ENO1: variants seen among roughly 807,000 people sequenced by gnomAD.
The protein encoded by ENO1 is alpha-enolase.
In ENO1, 33 loss-of-function variants were observed where a neutral mutation model predicts 46.3. That is an observed-to-expected ratio of 0.71 (90% CI 0.54 to 0.95). The LOEUF is 0.95. Ranked by LOEUF, ENO1 falls within the 40% of genes least tolerant of loss-of-function variation. The pLI, the probability that ENO1 is intolerant of heterozygous loss-of-function variation, is 0.00. For synonymous variants in ENO1, 220 were observed against 216.0 expected (o/e 1.02, Z -0.16); for missense variants, 488 against 553.3 (o/e 0.88, Z 1.18).
rs2071412 is a variant in ENO1, at chr1:8,868,066, G to T, written c.241-9C>A. 456,734 of 1,609,402 alleles carry T rather than the reference G, an allele frequency of 0.28. 73,401 individuals are homozygous for T. The highest frequency in any genetic ancestry group is 0.76 in the East Asian group (34,140 of 44,810). On this transcript the variant is annotated splice_polypyrimidine_tract_variant and intron_variant, in intron 4 of 11. Coordinates refer to ENST00000234590, the MANE Select transcript of ENO1 (RefSeq NM_001428.5). Reference sequence around the variant, plus strand: ...TCTGTGACGTTCAGTTTCTACGAGGGAGAGGGGAGAATGAGGGGTTGGGGC... The same window carrying T: ...TCTGTGACGTTCAGTTTCTACGAGGTAGAGGGGAGAATGAGGGGTTGGGGC...
rs1557590400 is a variant in ENO1, at chr1:8,878,652, GCGAGATCTC to G, written c.-91_-83del. The G allele has an allele frequency of 4.4e-6, 2 of 456,110 alleles. No individual in the cohort carries two copies. Among genetic ancestry groups the G allele is most frequent in the South Asian group, 3.1e-5 (2 of 64,566 alleles). 28.3% of individuals were successfully genotyped at this position (456,110 alleles called of 1,614,324 possible). ...AGACACCGAGGTGAACGTAAAGCCG[GCGAGATCTC>G]CGTGCTCCGGGTACCCACAGATACT... On this transcript the variant is annotated 5_prime_UTR_variant, in exon 1 of 12. Transcript: ENST00000234590.
rs1642561273 is a variant in ENO1 at position 8,868,091 on chromosome 1, C to A, written c.241-34G>T. ...GAGAGGGGAGAATGAGGGGTTGGGG[C>A]CACTCTTATCTGCATAGCCTTTGCT... On this transcript the variant is annotated intron_variant, in intron 4 of 11. Transcript: ENST00000234590. The A allele has an allele frequency of 4.7e-6, 7 of 1,486,472 alleles. No individual in the cohort carries two copies. The East Asian group carries it at 1.1e-4, about 24-fold the overall frequency. 92.1% of individuals were successfully genotyped at this position (1,486,472 alleles called of 1,614,324 possible).
rs11544495 is a variant in ENO1, at chr1:8,874,865, C to T, written c.44G>A (p.Arg15His). Residue 15 changes from arginine (R) to histidine (H), a missense_variant, in exon 2 of 12, where the codon CGC (arginine) becomes CAC (histidine). Arg to His is a conservative substitution (Grantham distance 29). Transcript: ENST00000234590. ...KIHAREIFDS[R>H]GNPTVEVDLF... ...ATCAACCTCAACAGTGGGATTCCCG[C>T]GAGAGTCAAAGATCTCCCTGGCATG... is the stretch of plus-strand genomic sequence containing the variant. 1.1e-5 allele frequency: 18 copies of T among 1,613,494 alleles called. No homozygotes were observed. The highest frequency in any genetic ancestry group is 1.7e-5 in the Admixed American group (1 of 59,942).
chr1:8,862,977 C>T (rs768334042), intron 10 of ENO1, 32 bp from the exon 11 acceptor site: 34 of 1,611,534 alleles, frequency 2.1e-5, no homozygotes, highest in African/African-American at 6.7e-5. Context: ...TTGCTTACAG[C>T]GGACAAGCTT....
rs145755278 is a variant in ENO1, at chr1:8,862,953, A to G, written c.1177-8T>C. The G allele has an allele frequency of 8.3e-4, 1,339 of 1,614,004 alleles. 25 individuals carry two copies. In the East Asian group the frequency reaches 0.025, roughly 30 times the overall value. On this transcript the variant is annotated splice_polypyrimidine_tract_variant and splice_region_variant and intron_variant, in intron 10 of 11. Transcript: ENST00000234590. ...AGGGGCACCAGTCTTGATCTAGGAG[A>G]AAAGAAAGGCCATTTGCTTACAGCG...
chr1:8,871,381 C>A, intron 3 of ENO1: 2 of 992,798 alleles, frequency 2.0e-6, no homozygotes, highest in Admixed American at 5.8e-5. Context: ...CAGCCAGAGG[C>A]TAGCTCTGCC....
intron 2 of ENO1, among the ~76,000 whole-genome samples, chr1:8,872,635 G>A (rs1422608504): frequency 1.3e-5 from 2 of 151,980 alleles, no homozygotes; most frequent in Non-Finnish European, 2.9e-5. Flanking sequence ...TGCCCACCTC[G>A]GCCTCCCAAA....
chr1:8,876,451 A>AAG (rs1557588760), intron 1 of ENO1: 1 of 152,224 alleles, frequency 6.6e-6, no homozygotes, highest in African/African-American at 2.4e-5. Context: ...CCATCACTGC[A>AAG]AAAAGTTATC....
chr1:8,865,053 T>A lies in ENO1; in HGVS notation c.865+232A>T, dbSNP rs2765507. Among the ~76,000 whole-genome samples the A allele has an allele frequency of 1.3e-3, 203 of 152,110 alleles. 1 individual carries two copies. Among genetic ancestry groups the A allele is most frequent in the African/African-American group, 4.7e-3 (196 of 41,492 alleles). The stretch of plus-strand genomic sequence containing the variant: ...CTGCTCCTGACTGTGAACAACTTAT[T>A]ATGCAATGTCGCTGCTGGCACCCGA... On this transcript the variant is annotated intron_variant, in intron 8 of 11. Coordinates refer to ENST00000234590, the MANE Select transcript of ENO1 (RefSeq NM_001428.5).
intron 9 of ENO1, 79 bp from the exon 10 acceptor site, chr1:8,863,422 C>A: frequency 1.4e-6 from 2 of 1,407,202 alleles, no homozygotes; most frequent in East Asian, 4.8e-5. Flanking sequence ...CCCCTCGGTG[C>A]CAGCAGGAAA....
intron 9 of ENO1, 61 bp downstream of exon 9, chr1:8,863,830 G>A: frequency 6.4e-7 from 1 of 1,565,574 alleles, no homozygotes; most frequent in Non-Finnish European, 8.8e-7. Context: ...GAACAAAAGG[G>A]CCCTTTTCTG....
chr1:8,871,666 TG>T (rs1642635350), intron 3 of ENO1: 1 of 1,350,128 alleles, frequency 7.4e-7, no homozygotes, highest in East Asian at 2.8e-5. Context: ...AAGCAAGCAT[TG>T]GAACTCTCGA....
intron 1 of ENO1, chr1:8,878,220 G>A (rs1312452386): frequency 5.0e-6 from 1 of 198,382 alleles, no homozygotes; most frequent in Non-Finnish European, 1.0e-5. Context: ...CTTACACTTG[G>A]CTACGATGGA....
chr1:8,869,464 T>C (rs1208185205), intron 4 of ENO1, among the ~76,000 whole-genome samples: 1 of 152,172 alleles, frequency 6.6e-6, no homozygotes, highest in Non-Finnish European at 1.5e-5. Flanking sequence ...GAACTCCTCC[T>C]TTTCCCTCGT....
At chr1:8,871,820 G>T in intron 3 of ENO1, 71 bp downstream of exon 3, 1 of 1,530,624 alleles carries the variant, frequency 6.5e-7, no homozygotes, top group Non-Finnish European at 9.0e-7. Flanking sequence ...ACCCAGAGAG[G>T]ACAGGACTGG....
chr1:8,871,620 A>C, intron 3 of ENO1: 1 of 1,250,882 alleles, frequency 8.0e-7, no homozygotes, highest in African/African-American at 1.5e-5. Context: ...CTAACCGTGA[A>C]GGAGTATTTC....
chr1:8,874,687 C>A, intron 2 of ENO1, 137 bp downstream of exon 2: 1 of 582,162 alleles, frequency 1.7e-6, no homozygotes, highest in Non-Finnish European at 2.8e-6. Context: ...AGTCAGGAAT[C>A]ACAACCTACT....
At chr1:8,871,128 G>A (rs1004987244) in intron 3 of ENO1, 41 of 1,172,496 alleles carry the variant, frequency 3.5e-5, no homozygotes, top group Middle Eastern at 6.8e-4. Context: ...TAACATGTTC[G>A]TGTGTGTAGA....
At chr1:8,866,663 G>A (rs1642526147) in intron 6 of ENO1, 162 bp from the exon 7 acceptor site, 3 of 689,518 alleles carry the variant, frequency 4.4e-6, no homozygotes, top group Middle Eastern at 3.6e-4. Flanking sequence ...TGCTCACCAG[G>A]TCTCTGACTC....
Sources: allele counts gnomAD v4.1 joint callset (sites outside exome capture counted in the v4.1 genomes callset), GRCh38; gene constraint gnomAD v4.1.1; transcripts MANE v1.5; gene names NCBI Gene and HGNC (gene_info 2026-07-23, HGNC 2026-07-21).